The following FKBP9 variants were observed in gnomAD, a reference collection of about 807,000 sequenced individuals.
FKBP9 encodes peptidyl-prolyl cis-trans isomerase FKBP9.
A neutral mutation model predicts 55.6 loss-of-function variants in FKBP9; 27 were observed. The ratio of observed to expected loss-of-function variants is 0.49; its 90% CI spans 0.36 to 0.67. The LOEUF (loss-of-function observed/expected upper bound fraction) is 0.67, where lower values mean the gene tolerates loss of function less well. Among genes scored for constraint, FKBP9 ranks in the 30% least tolerant of loss-of-function variants. FKBP9 has a pLI of 0.00. For missense variants in FKBP9, 539 were observed against 742.8 expected (o/e 0.73, Z 3.19); for synonymous variants, 267 against 296.5 (o/e 0.90, Z 1.02).
At position 32,957,657 on chromosome 7, in the gene FKBP9, G is replaced by T. The variant is rs1236918133; in HGVS notation, c.84G>T (p.Ala28=). The change falls in exon 1 of 10, where the codon GCG becomes GCT. Residue 28 remains alanine (A), a synonymous_variant. Transcript: ENST00000242209. The part of the protein sequence containing the change: ...LWVTGQAAPV[A]GLGSDAELQI... ...TGACCGGGCAGGCAGCGCCCGTGGCGGGCCTGGGCTCCGACGCGGAGCTGC... is the reference window on the plus strand; with the variant it reads ...TGACCGGGCAGGCAGCGCCCGTGGCTGGCCTGGGCTCCGACGCGGAGCTGC... 1 of 1,505,042 alleles carries T rather than the reference G, an allele frequency of 6.6e-7. No individual in the cohort carries two copies. 93.2% of individuals were successfully genotyped at this position (1,505,042 alleles called of 1,614,324 possible).
chr7:32,985,456 A>G (rs1410673290), intron 5 of FKBP9, among the ~76,000 whole-genome samples: 1 of 150,978 alleles, frequency 6.6e-6, no homozygotes, highest in African/African-American at 2.4e-5. Context: ...CTGGGATTAC[A>G]GGTGTAACCC....
chr7:33,003,200 A>ATGACT (rs1195124489), intron 9 of FKBP9, among the ~76,000 whole-genome samples: 1 of 152,176 alleles, frequency 6.6e-6, no homozygotes, highest in Non-Finnish European at 1.5e-5. Flanking sequence ...GAGAAGGTAA[A>ATGACT]TGACTTGTCC....
At position 32,988,637 on chromosome 7, in the gene FKBP9, G is replaced by A. The variant is rs1470157584; in HGVS notation, c.1024G>A (p.Gly342Arg). The A allele has an allele frequency of 4.3e-6, 7 of 1,613,842 alleles. No homozygotes were observed. Among genetic ancestry groups the A allele is most frequent in the Non-Finnish European group, 5.9e-6 (7 of 1,179,864 alleles). Reference protein sequence around the residue: ...RIVVPPHLGYGEEGRGNIPGS... With the variant: ...RIVVPPHLGYREEGRGNIPGS... Reference sequence around the variant, plus strand: ...TGTGGTCCCGCCTCACCTGGGGTATGGAGAGGAAGGAAGAGGTGAGCATCA... The same window carrying A: ...TGTGGTCCCGCCTCACCTGGGGTATAGAGAGGAAGGAAGAGGTGAGCATCA... Residue 342 changes from glycine to arginine, a missense_variant, in exon 6 of 10, where the codon GGA becomes AGA. This residue lies in a region of FKBP9 where 172 missense variants were observed against 205.3 expected (regional missense o/e 0.84). Transcript: ENST00000242209.
rs1307649833 is a variant in FKBP9, at chr7:32,977,352, T to A, written c.703+853T>A. ...TTAGGCAATTGCATTGTTGTGCAAA[T>A]GCCATAGAGTGCACTTACACAATCC... On this transcript the variant is annotated intron_variant, in intron 4 of 9. Transcript: ENST00000242209. 7.2e-5 allele frequency among the ~76,000 whole-genome samples: 11 copies of A among 152,318 alleles called. No individual in the cohort carries two copies. The East Asian group carries it at 2.1e-3, about 29-fold the overall frequency.
At chr7:32,986,893 G>A (rs1203238934) in intron 5 of FKBP9, among the ~76,000 whole-genome samples, 1 of 152,228 alleles carries the variant, frequency 6.6e-6, no homozygotes, top group African/African-American at 2.4e-5. Flanking sequence ...TGCAGGTCAC[G>A]TGGTCCAGTT....
At chr7:32,983,812 G>A (rs1289692634) in intron 5 of FKBP9, among the ~76,000 whole-genome samples, 1 of 152,106 alleles carries the variant, frequency 6.6e-6, no homozygotes, top group Non-Finnish European at 1.5e-5. Context: ...TATTGCTATT[G>A]GGATTGAAAT....
At chr7:32,981,509 T>C (rs540140306) in intron 5 of FKBP9, among the ~76,000 whole-genome samples, 7 of 152,256 alleles carry the variant, frequency 4.6e-5, no homozygotes, top group Admixed American at 4.6e-4. Flanking sequence ...TCCTTTAGCT[T>C]CCAGTAGAGC....
chr7:32,986,584 G>T (rs1784585395), intron 5 of FKBP9, among the ~76,000 whole-genome samples: 1 of 152,254 alleles, frequency 6.6e-6, no homozygotes, highest in Non-Finnish European at 1.5e-5. Context: ...TTCTCAGTGG[G>T]TGGGAAGGGG....
chr7:33,004,377 G>A (rs112336406), intron 9 of FKBP9, among the ~76,000 whole-genome samples: 8,083 of 152,058 alleles, frequency 0.053, 258 homozygotes, highest in East Asian at 0.16. Context: ...CCTCTTTGCC[G>A]GCTGTCTCCC....
chr7:32,983,926 T>C (rs1326241975), intron 5 of FKBP9, among the ~76,000 whole-genome samples: 1 of 149,472 alleles, frequency 6.7e-6, no homozygotes, highest in East Asian at 2.0e-4. Flanking sequence ...TTCTTGTTGA[T>C]TTGAAGAGCT....
At chr7:32,980,030 C>G (rs936724579) in intron 4 of FKBP9, among the ~76,000 whole-genome samples, 10 of 152,196 alleles carry the variant, frequency 6.6e-5, no homozygotes, top group Non-Finnish European at 1.5e-4. Flanking sequence ...TATTCACAAA[C>G]AGAAACCCAC....
chr7:32,976,564 A>G, intron 4 of FKBP9, 65 bp downstream of exon 4: 1 of 1,536,866 alleles, frequency 6.5e-7, no homozygotes, highest in Non-Finnish European at 8.7e-7. Flanking sequence ...TGGTTAATTC[A>G]GTTGTCACCA....
Position 33,006,821 on chromosome 7 carries a change from A to G in FKBP9, c.*1470A>G, listed in dbSNP as rs968978253. 8 of 197,220 alleles carry G rather than the reference A, an allele frequency of 4.1e-5. No homozygotes were observed. Among genetic ancestry groups the G allele is most frequent in the Non-Finnish European group, 6.3e-5 (6 of 95,096 alleles). 12.2% of individuals were successfully genotyped at this position (197,220 alleles called of 1,614,324 possible). On this transcript the variant is annotated 3_prime_UTR_variant, in exon 10 of 10. Coordinates refer to ENST00000242209, the MANE Select transcript of FKBP9 (RefSeq NM_007270.5). ...CTACTTTATTTTACTAATTTAAACT[A>G]TTTTGTACTGATGTAGCCCTGAGGT...
Position 32,975,199 on chromosome 7 carries a change from A to C in FKBP9, c.385A>C (p.Asn129His). ...NEGVSGVIPPNSVLHFDVLLM... is the reference protein window; with the variant it reads ...NEGVSGVIPPHSVLHFDVLLM... Reference sequence around the variant, plus strand: ...ATTTCTAGCTGGTGTGATCCCCCCCAATTCAGTGCTTCATTTTGATGTACT... The same window carrying C: ...ATTTCTAGCTGGTGTGATCCCCCCCCATTCAGTGCTTCATTTTGATGTACT... Residue 129 changes from asparagine to histidine, a missense_variant, in exon 3 of 10, where the codon AAT becomes CAT. Asn to His is a moderately conservative substitution (Grantham distance 68, BLOSUM62 1). This residue lies in a region of FKBP9 where 236 missense variants were observed against 271.5 expected (regional missense o/e 0.87). Coordinates refer to ENST00000242209, the MANE Select transcript of FKBP9 (RefSeq NM_007270.5). The C allele has an allele frequency of 1.2e-6, 2 of 1,613,486 alleles. No homozygotes were observed. The highest frequency in any genetic ancestry group is 1.7e-6 in the Non-Finnish European group (2 of 1,179,490).
chr7:32,998,209 T>G (rs1236748018), intron 7 of FKBP9, among the ~76,000 whole-genome samples: 1 of 152,152 alleles, frequency 6.6e-6, no homozygotes, highest in Non-Finnish European at 1.5e-5. Context: ...AGTGCTTTTG[T>G]GGATCAAGTG....
Position 33,002,677 on chromosome 7 carries a change from T to A in FKBP9, c.1374T>A (p.Asp458Glu). 1 of 1,613,550 alleles carries A rather than the reference T, an allele frequency of 6.2e-7. No homozygotes were observed. Among genetic ancestry groups the A allele is most frequent in the Non-Finnish European group, 8.5e-7 (1 of 1,179,794 alleles). The change falls in exon 9 of 10, where the codon GAT becomes GAA. Residue 458 changes from aspartate (D) to glutamate (E), a missense_variant and splice_region_variant. By Grantham distance (45) the Asp-to-Glu change is conservative. Around this residue, in one of 4 missense-constraint regions of FKBP9, gnomAD observed 102 missense variants for 200.7 expected, o/e 0.51. Transcript: ENST00000242209. Reference sequence around the variant, plus strand: ...CTCCCGCTCCTGTCACCTGGACAGATGGAGAAGTGCCCGGCAGTGCCGTAT... The same window carrying A: ...CTCCCGCTCCTGTCACCTGGACAGAAGGAGAAGTGCCCGGCAGTGCCGTAT... ...PHLGYGEAGV[D>E]GEVPGSAVLV...
intron 5 of FKBP9, among the ~76,000 whole-genome samples, chr7:32,985,692 G>C (rs1784562035): frequency 6.6e-6 from 1 of 151,986 alleles, no homozygotes; most frequent in Non-Finnish European, 1.5e-5. Context: ...AGTTAGTTTG[G>C]GCCAGCTGTG....
intron 4 of FKBP9, among the ~76,000 whole-genome samples, chr7:32,977,383 G>A (rs2127981321): frequency 6.6e-6 from 1 of 152,320 alleles, no homozygotes; most frequent in African/African-American, 2.4e-5. Flanking sequence ...AATCCTAGGT[G>A]CTACATCCTG....
chr7:32,983,055 C>A (rs1176362940), intron 5 of FKBP9, among the ~76,000 whole-genome samples: 1 of 151,434 alleles, frequency 6.6e-6, no homozygotes, highest in Non-Finnish European at 1.5e-5. Context: ...CGGAGTTTCG[C>A]TCTTCTTGCC....
Sources: gnomAD v4.1 joint callset for allele counts (sites outside exome capture counted in the v4.1 genomes callset) on GRCh38, gnomAD v4.1.1 for gene constraint, gnomAD v4.1.1 regional missense constraint, MANE v1.5 for transcripts, NCBI Gene and HGNC (gene_info 2026-07-23, HGNC 2026-07-21) for gene names.